The following SPATS2L variants were observed in gnomAD, a reference collection of about 807,000 sequenced individuals.
SPATS2L encodes SPATS2-like protein.
In SPATS2L, 30 loss-of-function variants were observed where a neutral mutation model predicts 59.6. That is an observed-to-expected ratio of 0.50 (90% CI 0.38 to 0.68). The LOEUF (loss-of-function observed/expected upper bound fraction) is 0.68. Among genes scored for constraint, SPATS2L ranks in the 30% least tolerant of loss-of-function variants. The pLI is 0.00. For synonymous variants in SPATS2L, 252 were observed against 263.5 expected (o/e 0.96, Z 0.42); for missense variants, 615 against 700.0 (o/e 0.88, Z 1.37).
At chr2:200,331,014 G>A (rs973726196) in intron 2 of SPATS2L, among the ~76,000 whole-genome samples, 2 of 152,154 alleles carry the variant, frequency 1.3e-5, no homozygotes, top group African/African-American at 4.8e-5. Context: ...ACAGCTCAAA[G>A]GCTTTACTTT....
chr2:200,366,714 T>G (rs1028121418), intron 2 of SPATS2L, among the ~76,000 whole-genome samples: 2 of 152,212 alleles, frequency 1.3e-5, no homozygotes, highest in Non-Finnish European at 2.9e-5. Flanking sequence ...ACATGTGATG[T>G]CTGCTTAGCT....
chr2:200,467,205 G>A (rs2106215832), intron 9 of SPATS2L, 85 bp from the exon 10 acceptor site: 1 of 920,580 alleles, frequency 1.1e-6, no homozygotes, highest in Non-Finnish European at 1.7e-6. Flanking sequence ...ATCAGTCTGT[G>A]GAGTGAGAAC....
chr2:200,389,048 A>G (rs1467304492), intron 2 of SPATS2L, among the ~76,000 whole-genome samples, 175 bp from the exon 3 acceptor site: 1 of 152,252 alleles, frequency 6.6e-6, no homozygotes, highest in Non-Finnish European at 1.5e-5. Flanking sequence ...GAGTTATTGT[A>G]ACATGCTTTT....
chr2:200,450,028 A>AT (rs1248246961), intron 8 of SPATS2L, among the ~76,000 whole-genome samples: 2 of 152,226 alleles, frequency 1.3e-5, no homozygotes, highest in Non-Finnish European at 2.9e-5. Context: ...TCCAAGGTTT[A>AT]TTAACCACTT....
intron 11 of SPATS2L, among the ~76,000 whole-genome samples, chr2:200,470,957 G>A (rs1038317742): frequency 2.0e-5 from 3 of 151,916 alleles, no homozygotes; most frequent in African/African-American, 7.3e-5. Context: ...CCAGGAGTTC[G>A]AGGCCAGCCT....
In SPATS2L at chr2:200,442,271, A is replaced by G. The variant is rs915570785; in HGVS notation, c.788+1487A>G. Among the ~76,000 whole-genome samples the G allele has an allele frequency of 5.3e-5, 8 of 152,212 alleles. No homozygotes were observed. The South Asian group carries it at 6.2e-4, about 12-fold the overall frequency. ...TATTTTATAGTTTTATAACTTTCCA[A>G]TCTGTCTTTAGGTAAGTTACCTTAA... On this transcript the variant is annotated intron_variant, in intron 8 of 12. Coordinates refer to ENST00000409140, the MANE Select transcript of SPATS2L (RefSeq NM_001100423.2).
At chr2:200,472,125 G>A (rs1016522906) in intron 11 of SPATS2L, among the ~76,000 whole-genome samples, 10 of 152,180 alleles carry the variant, frequency 6.6e-5, no homozygotes, top group Non-Finnish European at 7.4e-5. Flanking sequence ...ACGGGTGTCC[G>A]CCTGATCAGC....
chr2:200,427,418 G>A (rs1242111976), intron 6 of SPATS2L, among the ~76,000 whole-genome samples: 2 of 148,208 alleles, frequency 1.3e-5, no homozygotes, highest in Non-Finnish European at 3.0e-5. Flanking sequence ...ATAAGACAGT[G>A]GAAAAAATCA....
At chr2:200,473,279 T>TG (rs1419179900) in intron 12 of SPATS2L, among the ~76,000 whole-genome samples, 2 of 152,066 alleles carry the variant, frequency 1.3e-5, no homozygotes, top group Non-Finnish European at 2.9e-5. Context: ...GTGGAGGAAG[T>TG]GGCCTGCATG....
At chr2:200,360,892 C>G (rs551053457) in intron 2 of SPATS2L, among the ~76,000 whole-genome samples, 2 of 141,526 alleles carry the variant, frequency 1.4e-5, no homozygotes, top group Admixed American at 1.3e-4. Context: ...TGCCATTGTA[C>G]GACCCCCCGC....
intron 8 of SPATS2L, 150 bp downstream of exon 8, chr2:200,440,934 A>G: frequency 5.8e-6 from 4 of 692,858 alleles, no homozygotes; most frequent in Non-Finnish European, 6.8e-6. Context: ...AGGCAGTAGC[A>G]TGTATCTTGG....
chr2:200,414,625 G>A (rs549290406), intron 4 of SPATS2L, among the ~76,000 whole-genome samples: 27 of 151,504 alleles, frequency 1.8e-4, no homozygotes, highest in African/African-American at 4.4e-4. Context: ...GTGAGACCCC[G>A]TCTCCAAAAA....
At chr2:200,346,361 A>G (rs1015943376) in intron 2 of SPATS2L, among the ~76,000 whole-genome samples, 1 of 152,212 alleles carries the variant, frequency 6.6e-6, no homozygotes, top group Non-Finnish European at 1.5e-5. Flanking sequence ...TTTTCTCCTC[A>G]GGAAAGTGAA....
At chr2:200,456,634 T>C (rs1244802956) in intron 8 of SPATS2L, among the ~76,000 whole-genome samples, 1 of 152,112 alleles carries the variant, frequency 6.6e-6, no homozygotes, top group African/African-American at 2.4e-5. Context: ...GATAAAGAAA[T>C]TAGCAAAGGC....
intron 3 of SPATS2L, chr2:200,393,297 A>G (rs751059055): frequency 2.2e-6 from 1 of 456,806 alleles, no homozygotes; most frequent in Non-Finnish European, 4.4e-6. Flanking sequence ...CCGACATTAG[A>G]GTGTCTTATT....
At chr2:200,440,183 G>A (rs987679201) in intron 7 of SPATS2L, among the ~76,000 whole-genome samples, 50 of 152,166 alleles carry the variant, frequency 3.3e-4, no homozygotes, top group African/African-American at 1.1e-3. Context: ...CGGATGATGG[G>A]GCCAGTGCCA....
chr2:200,309,676 T>C (rs866003711), intron 1 of SPATS2L, among the ~76,000 whole-genome samples: 1 of 152,212 alleles, frequency 6.6e-6, no homozygotes, highest in Non-Finnish European at 1.5e-5. Context: ...CTGTTTTGCC[T>C]TAAAGTGTAA....
At chr2:200,365,493 A>G (rs766180616) in intron 2 of SPATS2L, among the ~76,000 whole-genome samples, 51 of 152,166 alleles carry the variant, frequency 3.4e-4, no homozygotes, top group Non-Finnish European at 2.4e-4. Context: ...AAGTCTATAC[A>G]TGGGACTCTG....
At position 200,412,480 on chromosome 2, in the gene SPATS2L, AT is replaced by A. The variant is rs529493194; in HGVS notation, c.148+67del. The A allele has an allele frequency of 6.7e-3, 6,244 of 932,148 alleles. 43 individuals are homozygous for A. The highest frequency in any genetic ancestry group is 7.7e-3 in the Non-Finnish European group (4,816 of 626,438). The allele number at this position is 932,148 out of a possible 1,614,324, so 57.7% of individuals were successfully genotyped here. A position where few individuals can be genotyped will look rare whatever the true frequency, so the allele number is the denominator to read the frequency against. ...GACTTAAATATTCCAGATATTCCAT[AT>A]TTTTTCCTTAAATGAACTGAATATC... On this transcript the variant is annotated intron_variant, in intron 4 of 12. Transcript: ENST00000409140.
Sources: allele counts gnomAD v4.1 joint callset (sites outside exome capture counted in the v4.1 genomes callset), GRCh38; gene constraint gnomAD v4.1.1; transcripts MANE v1.5; gene names NCBI Gene and HGNC (gene_info 2026-07-23, HGNC 2026-07-21).